The following TENM2 variants were observed in gnomAD, a reference collection of about 807,000 sequenced individuals.
TENM2 encodes teneurin-2.
A neutral mutation model predicts 245.2 loss-of-function variants in TENM2; 52 were observed. The ratio of observed to expected loss-of-function variants is 0.21; its 90% confidence interval spans 0.17 to 0.27. The LOEUF is 0.27. TENM2 is among the 10% of genes least tolerant of loss of function. The pLI is 1.00. For missense variants in TENM2, 3,046 were observed against 3,666.8 expected, an observed-to-expected ratio of 0.83 and a Z score of 4.37; for synonymous variants, 1,363 against 1,438.9, an observed-to-expected ratio of 0.95 and a Z score of 1.19.
the TENM2 span, among the ~76,000 whole-genome samples, chr5:167,208,886 C>A: frequency 2.6e-5 from 4 of 152,158 alleles, no homozygotes; most frequent in Non-Finnish European, 4.4e-5. Flanking sequence ...CTTTTTTGTT[C>A]TATTCGAGTT....
At chr5:167,147,553 C>A in the TENM2 span, among the ~76,000 whole-genome samples, 3 of 152,082 alleles carry the variant, frequency 2.0e-5, no homozygotes, top group Non-Finnish European at 4.4e-5. Context: ...GGCCAAATAC[C>A]CACCTTTCAG....
chr5:167,989,268 A>AAGAG (rs10617322), intron 4 of TENM2, among the ~76,000 whole-genome samples: 7,889 of 144,844 alleles, frequency 0.054, 299 homozygotes, highest in Non-Finnish European at 0.081. Context: ...AAGATAGAGA[A>AAGAG]AGAGAGAGAG....
chr5:167,616,133 T>A lies in TENM2; in HGVS notation c.502+240660T>A, dbSNP rs1390156173. ...AATTATTATCTTTGCTTATTGGAGA[T>A]GTTAGCATCAATTTGTAGGGTTCCA... On this transcript the variant is annotated intron_variant, in intron 2 of 28. Transcript: ENST00000518659. 2.0e-5 allele frequency among the ~76,000 whole-genome samples: 3 copies of A among 152,300 alleles called. No homozygotes were observed. The South Asian group carries it at 6.2e-4, about 32-fold the overall frequency.
chr5:167,109,922 G>A, the TENM2 span, among the ~76,000 whole-genome samples: 1 of 152,142 alleles, frequency 6.6e-6, no homozygotes, highest in Non-Finnish European at 1.5e-5. Flanking sequence ...AATTGTATTG[G>A]CCATATGGTG....
At chr5:167,188,225 C>T in the TENM2 span, among the ~76,000 whole-genome samples, 1 of 152,068 alleles carries the variant, frequency 6.6e-6, no homozygotes, top group Non-Finnish European at 1.5e-5. Flanking sequence ...CTCAAACAGC[C>T]CTGTGATTAA....
intron 13 of TENM2, chr5:168,165,182 G>A (rs566564553): frequency 2.2e-4 from 34 of 152,234 alleles, no homozygotes; most frequent in African/African-American, 8.2e-4. Flanking sequence ...TCTCTTTCCT[G>A]AAACAGAGCC....
At chr5:167,705,877 T>C (rs1382845480) in intron 2 of TENM2, among the ~76,000 whole-genome samples, 5 of 151,324 alleles carry the variant, frequency 3.3e-5, no homozygotes, top group Admixed American at 6.6e-5. Context: ...TTGTCCTTTA[T>C]ATCTGGCTTA....
chr5:167,833,026 GAA>G, intron 2 of TENM2, among the ~76,000 whole-genome samples: 2 of 151,978 alleles, frequency 1.3e-5, no homozygotes, highest in South Asian at 4.2e-4. Flanking sequence ...GTTTAGTACA[GAA>G]CTAAAAAGGG....
intron 2 of TENM2, among the ~76,000 whole-genome samples, chr5:167,800,079 C>G (rs1385386889): frequency 6.6e-6 from 1 of 152,216 alleles, no homozygotes; most frequent in Non-Finnish European, 1.5e-5. Flanking sequence ...TATGATTACA[C>G]CTTGAAAATA....
intron 16 of TENM2, 147 bp downstream of exon 18, chr5:168,199,261 T>A (rs932348838): frequency 1.0e-5 from 9 of 859,776 alleles, no homozygotes; most frequent in Middle Eastern, 3.5e-4. Context: ...CCACCAGAGA[T>A]GAAAGTTTGA....
chr5:167,602,012 T>G (rs1776669604), intron 2 of TENM2, among the ~76,000 whole-genome samples: 1 of 121,100 alleles, frequency 8.3e-6, no homozygotes, highest in African/African-American at 2.5e-5. Flanking sequence ...GAAGATAGGG[T>G]ATTATTGGAT....
intron 1 of TENM2, among the ~76,000 whole-genome samples, chr5:167,349,910 T>A (rs1278633550): frequency 6.9e-6 from 1 of 145,780 alleles, no homozygotes; most frequent in African/African-American, 2.8e-5. Flanking sequence ...TTTTACATAT[T>A]GGTCAGCAAG....
chr5:168,104,808 T>C (rs1794116142), intron 9 of TENM2, among the ~76,000 whole-genome samples: 1 of 152,074 alleles, frequency 6.6e-6, no homozygotes, highest in Non-Finnish European at 1.5e-5. Flanking sequence ...TGACCTGCCA[T>C]GGAAATAACA....
At chr5:167,088,403 G>C in the TENM2 span, among the ~76,000 whole-genome samples, 1 of 152,088 alleles carries the variant, frequency 6.6e-6, no homozygotes, top group Admixed American at 6.5e-5. Flanking sequence ...GAGGATGGTG[G>C]ATCACCTGAG....
chr5:167,334,996 T>A (rs1373292832), intron 1 of TENM2, among the ~76,000 whole-genome samples: 1 of 152,218 alleles, frequency 6.6e-6, no homozygotes, highest in Non-Finnish European at 1.5e-5. Flanking sequence ...GGCTTGACTA[T>A]TTTATTAATA....
the TENM2 span, among the ~76,000 whole-genome samples, chr5:167,077,638 A>C: frequency 1.3e-5 from 2 of 152,242 alleles, no homozygotes; most frequent in Non-Finnish European, 2.9e-5. Flanking sequence ...GTTTGTTTAA[A>C]TTCCCATTGT....
the TENM2 span, among the ~76,000 whole-genome samples, chr5:167,128,345 C>T: frequency 6.6e-6 from 1 of 152,186 alleles, no homozygotes; most frequent in African/African-American, 2.4e-5. Flanking sequence ...CCTCTTGCCA[C>T]TTCCTTTATG....
At chr5:167,795,245 G>A (rs987855418) in intron 2 of TENM2, among the ~76,000 whole-genome samples, 1 of 152,154 alleles carries the variant, frequency 6.6e-6, no homozygotes. Context: ...TATGGTTGTA[G>A]AAAGATTAAT....
At chr5:168,176,504 C>T (rs752305503) in intron 13 of TENM2, among the ~76,000 whole-genome samples, 9 of 152,200 alleles carry the variant, frequency 5.9e-5, no homozygotes, top group Non-Finnish European at 1.3e-4. Flanking sequence ...GGTTTCTACA[C>T]GAACATCACT....
Sources: allele counts gnomAD v4.1 joint callset (sites outside exome capture counted in the v4.1 genomes callset), GRCh38; gene constraint gnomAD v4.1.1; transcripts MANE v1.5; gene names NCBI Gene and HGNC (gene_info 2026-07-23, HGNC 2026-07-21).